Variants in EVI5 observed in about 807,000 individuals in gnomAD.
The protein encoded by EVI5 is ecotropic viral integration site 5 protein homolog.
A neutral mutation model predicts 112.0 loss-of-function variants in EVI5; 73 were observed. The observed-to-expected ratio is 0.65, with a 90% CI of 0.54 to 0.79. The LOEUF (loss-of-function observed/expected upper bound fraction) is 0.79, where lower values mean the gene tolerates loss of function less well. Among genes scored for constraint, EVI5 ranks in the 30% least tolerant of loss-of-function variants. The probability of loss-of-function intolerance (pLI) is 0.00; values close to 1 mark genes in which losing one functional copy is unlikely to be tolerated. For synonymous variants in EVI5, 305 were observed against 319.9 expected, an observed-to-expected ratio of 0.95 and a Z score of 0.50; for missense variants, 900 against 968.8, an observed-to-expected ratio of 0.93 and a Z score of 0.94.
At chr1:92,590,861 G>C (rs904609632) in intron 18 of EVI5, among the ~76,000 whole-genome samples, 1 of 152,344 alleles carries the variant, frequency 6.6e-6, no homozygotes, top group East Asian at 1.9e-4. Flanking sequence ...GGCAGCCAGA[G>C]AGAAAGGTCG....
chr1:92,607,831 A>G, intron 16 of EVI5, 104 bp from the exon 17 acceptor site: 7 of 686,756 alleles, frequency 1.0e-5, no homozygotes, highest in Non-Finnish European at 1.6e-5. Context: ...AAATGTTACT[A>G]GTTATAGGTC....
rs143088693 is a variant in EVI5, at chr1:92,726,157, A to G, written c.149+10241T>C. On this transcript the variant is annotated intron_variant, in intron 2 of 19. Transcript: ENST00000684568. The stretch of plus-strand genomic sequence containing the variant: ...GGACAAAAAATTATCTGAAGAAAAC[A>G]TTGGCTCCAAAATTTCCACATTTGA... Among the ~76,000 whole-genome samples, 59 of 152,348 alleles carry G rather than the reference A, an allele frequency of 3.9e-4. No individual in the cohort carries two copies. In the East Asian group the frequency reaches 5.6e-3, roughly 14 times the overall value.
intron 2 of EVI5, chr1:92,714,128 A>G: frequency 1.0e-6 from 1 of 983,092 alleles, no homozygotes; most frequent in East Asian, 1.1e-4. Flanking sequence ...CTTTCATCAA[A>G]TAGATCTTTG....
intron 15 of EVI5, 65 bp downstream of exon 15, chr1:92,625,729 T>G: frequency 6.9e-7 from 1 of 1,456,666 alleles, no homozygotes; most frequent in Non-Finnish European, 9.6e-7. Flanking sequence ...TACTTCAAAC[T>G]CTTACAAATT....
At chr1:92,744,438 C>T (rs1570721798) in intron 1 of EVI5, among the ~76,000 whole-genome samples, 2 of 152,134 alleles carry the variant, frequency 1.3e-5, no homozygotes, top group East Asian at 3.8e-4. Flanking sequence ...TCTATTACTC[C>T]TTACACTGCT....
In EVI5 at chr1:92,511,512, GCTTT is replaced by G; in HGVS notation, c.*2140_*2143del. The stretch of plus-strand genomic sequence containing the variant: ...ATTCTTCAGCTGAACCCTTTCAAAA[GCTTT>G]GGTGTTAGGGAGATCTAGGTTAAAA... On this transcript the variant is annotated 3_prime_UTR_variant, in exon 20 of 20. Transcript: ENST00000684568. 6.6e-6 allele frequency: 1 copy of G among 152,100 alleles called. No individual in the cohort carries two copies. The highest frequency in any genetic ancestry group is 1.5e-5 in the Non-Finnish European group (1 of 68,042). The allele number at this position is 152,100 out of a possible 1,614,324, so 9.4% of individuals were successfully genotyped here.
intron 2 of EVI5, among the ~76,000 whole-genome samples, chr1:92,716,811 A>G (rs1044803948): frequency 4.8e-5 from 7 of 146,900 alleles, no homozygotes; most frequent in Non-Finnish European, 3.0e-5. Flanking sequence ...TGGCATGAGA[A>G]CTACATGACG....
intron 9 of EVI5, among the ~76,000 whole-genome samples, chr1:92,681,025 C>T (rs1667498997): frequency 6.6e-6 from 1 of 152,088 alleles, no homozygotes; most frequent in Non-Finnish European, 1.5e-5. Context: ...ATTATTGGGA[C>T]AGCATATATA....
intron 9 of EVI5, among the ~76,000 whole-genome samples, chr1:92,678,776 A>G (rs544693389): frequency 6.6e-6 from 1 of 152,274 alleles, no homozygotes; most frequent in East Asian, 1.9e-4. Context: ...GCTCCAAATA[A>G]CTTACAGCTG....
At chr1:92,561,615 ATCT>A (rs1668607475) in intron 19 of EVI5, among the ~76,000 whole-genome samples, 27 of 76,160 alleles carry the variant, frequency 3.5e-4, no homozygotes, top group African/African-American at 6.2e-4. Flanking sequence ...TATCCTATCT[ATCT>A]ATCTATCTAT....
intron 18 of EVI5, among the ~76,000 whole-genome samples, chr1:92,576,140 G>C (rs1671041802): frequency 6.6e-6 from 1 of 152,022 alleles, no homozygotes; most frequent in South Asian, 2.1e-4. Flanking sequence ...GAAAACATAG[G>C]AACAGTGCTA....
At chr1:92,730,683 C>CA (rs1226099468) in intron 2 of EVI5, among the ~76,000 whole-genome samples, 4,105 of 59,592 alleles carry the variant, frequency 0.069, 107 homozygotes, top group Non-Finnish European at 0.085. Context: ...CCTTCTCTCA[C>CA]AAAAAAAAAA....
intron 18 of EVI5, among the ~76,000 whole-genome samples, chr1:92,600,971 A>G (rs1649045558): frequency 6.6e-6 from 1 of 152,202 alleles, no homozygotes; most frequent in Non-Finnish European, 1.5e-5. Flanking sequence ...GATGACTGTA[A>G]ACAACAGTTA....
intron 19 of EVI5, among the ~76,000 whole-genome samples, chr1:92,549,471 T>G (rs1273138318): frequency 6.6e-6 from 1 of 151,388 alleles, no homozygotes; most frequent in East Asian, 1.9e-4. Flanking sequence ...CCAAAAGCAA[T>G]GGCATCAAAA....
intron 1 of EVI5, among the ~76,000 whole-genome samples, chr1:92,754,995 TAAAG>T (rs1268699059): frequency 1.3e-5 from 2 of 151,128 alleles, no homozygotes; most frequent in Admixed American, 6.6e-5. Context: ...TGTTATATCT[TAAAG>T]AAGATGGGGA....
At chr1:92,579,695 G>C (rs1671643649) in intron 18 of EVI5, among the ~76,000 whole-genome samples, 1 of 152,008 alleles carries the variant, frequency 6.6e-6, no homozygotes, top group Non-Finnish European at 1.5e-5. Flanking sequence ...TGTTTGAGGG[G>C]AAAAAACTAG....
At chr1:92,627,825 T>A (rs1656011551) in intron 14 of EVI5, among the ~76,000 whole-genome samples, 1 of 152,158 alleles carries the variant, frequency 6.6e-6, no homozygotes, top group Admixed American at 6.5e-5. Flanking sequence ...AGTCTTGCTC[T>A]GTCGCCCAGG....
intron 1 of EVI5, among the ~76,000 whole-genome samples, chr1:92,775,267 AAAATG>A (rs1217928882): frequency 1.3e-5 from 2 of 152,166 alleles, no homozygotes; most frequent in Admixed American, 1.3e-4. Context: ...ATCTCTAATA[AAAATG>A]TAGAAATTAG....
In EVI5 at chr1:92,552,955, T is replaced by G. The variant is rs563074092; in HGVS notation, c.2166+10687A>C. On this transcript the variant is annotated intron_variant, in intron 19 of 19. Transcript: ENST00000684568. ...CAGTTTCTTAATGAAATTACTATCA[T>G]GAGAGGCACATGTTTTCATTAACAA... Among the ~76,000 whole-genome samples the G allele has an allele frequency of 1.6e-4, 25 of 152,264 alleles. No individual in the cohort carries two copies. The East Asian group carries it at 4.8e-3, about 29-fold the overall frequency.
Sources: gnomAD v4.1 joint callset for allele counts (sites outside exome capture counted in the v4.1 genomes callset) on GRCh38, gnomAD v4.1.1 for gene constraint, MANE v1.5 for transcripts, NCBI Gene and HGNC (gene_info 2026-07-23, HGNC 2026-07-21) for gene names.